The following ZNF616 variants were observed in gnomAD, a reference collection of about 807,000 sequenced individuals.
ZNF616 encodes zinc finger protein 616.
Under a neutral mutation model 7.6 loss-of-function variants are expected in ZNF616, and 5 were observed. That is an observed-to-expected ratio of 0.66 (90% confidence interval 0.34 to 1.38). The LOEUF (loss-of-function observed/expected upper bound fraction) is 1.38, where lower values mean the gene tolerates loss of function less well. Ranked by LOEUF, ZNF616 falls within the 40% of genes most tolerant of loss-of-function variation. The pLI is 0.04. For synonymous variants in ZNF616, 319 were observed against 317.2 expected, an observed-to-expected ratio of 1.01 and a Z score of -0.06; for missense variants, 913 against 948.3, an observed-to-expected ratio of 0.96 and a Z score of 0.49.
chr19:52,128,033 G>A (rs1390985662), intron 2 of ZNF616, among the ~76,000 whole-genome samples: 1 of 152,028 alleles, frequency 6.6e-6, no homozygotes, highest in Admixed American at 6.6e-5. Flanking sequence ...AAAGAAACCC[G>A]GGTTCCTCCA....
chr19:52,130,806 A>T (rs114068722), intron 1 of ZNF616, among the ~76,000 whole-genome samples: 10,428 of 152,286 alleles, frequency 0.068, 493 homozygotes, highest in African/African-American at 0.14. Context: ...CACAGGCTGC[A>T]GCAGTGTGTA....
intron 2 of ZNF616, among the ~76,000 whole-genome samples, chr19:52,124,375 G>A: frequency 6.6e-6 from 1 of 152,206 alleles, no homozygotes; most frequent in Non-Finnish European, 1.5e-5. Flanking sequence ...TATGAGTGGT[G>A]TTTTCAGAGA....
intron 3 of ZNF616, among the ~76,000 whole-genome samples, chr19:52,121,243 C>T (rs776620670): frequency 1.3e-5 from 2 of 152,232 alleles, no homozygotes; most frequent in Middle Eastern, 3.4e-3. Flanking sequence ...TTAGTAGCGA[C>T]GCGGTTTCGC....
intron 1 of ZNF616, among the ~76,000 whole-genome samples, chr19:52,137,414 G>A (rs573284205): frequency 2.6e-5 from 4 of 152,040 alleles, no homozygotes; most frequent in South Asian, 2.1e-4. Flanking sequence ...CAGAGCGAGC[G>A]AGACTCTGTC....
intron 3 of ZNF616, among the ~76,000 whole-genome samples, chr19:52,117,744 A>T (rs762036084): frequency 1.4e-4 from 22 of 152,212 alleles, no homozygotes; most frequent in Non-Finnish European, 4.4e-5. Context: ...TAAAGATAAA[A>T]GAAAGATAAA....
Position 52,114,667 on chromosome 19 carries a change from A to G in ZNF616, c.*151T>C, listed in dbSNP as rs2088798600. The G allele has an allele frequency of 1.1e-6, 1 of 902,546 alleles. No homozygotes were observed. The highest frequency in any genetic ancestry group is 1.6e-6 in the Non-Finnish European group (1 of 615,648). The allele number at this position is 902,546 out of a possible 1,614,324, so 55.9% of individuals were successfully genotyped here. A position where few individuals can be genotyped will look rare whatever the true frequency, so the allele number is the denominator to read the frequency against. On this transcript the variant is annotated 3_prime_UTR_variant, in exon 4 of 4. Transcript: ENST00000600228. ...ACGCTACATCTTTCTCAGTTTGAGAAATCCACTTCCATGATTCAATCACCT... is the reference window on the plus strand; with the variant it reads ...ACGCTACATCTTTCTCAGTTTGAGAGATCCACTTCCATGATTCAATCACCT...
At chr19:52,138,352 A>T (rs926613606) in intron 1 of ZNF616, 1 of 152,214 alleles carries the variant, frequency 6.6e-6, no homozygotes, top group Non-Finnish European at 1.5e-5. Flanking sequence ...CTTGTAGAAA[A>T]GAGTGGTAAT....
In ZNF616 at chr19:52,115,010, T is replaced by C; in HGVS notation, c.2154A>G (p.Lys718=). 6.2e-7 allele frequency: 1 copy of C among 1,614,186 alleles called. No individual in the cohort carries two copies. The highest frequency in any genetic ancestry group is 8.5e-7 in the Non-Finnish European group (1 of 1,180,012). ...CAAAGGCTTTGCCACATTCAATACA[T>C]TTGTATCTTTTCTCTCCAGTGTGGA... ...QRIHTGEKRY[K]CIECGKAFGR... The change falls in exon 4 of 4, where the codon AAA becomes AAG. Residue 718 remains lysine, a synonymous_variant. Transcript: ENST00000600228.
At chr19:52,128,721 A>C (rs1302211553) in intron 2 of ZNF616, among the ~76,000 whole-genome samples, 1 of 151,510 alleles carries the variant, frequency 6.6e-6, no homozygotes, top group Non-Finnish European at 1.5e-5. Context: ...CAGCCTGGGC[A>C]ACAAGACGAA....
At chr19:52,123,823 T>C in intron 3 of ZNF616, 100 bp downstream of exon 3, 9 of 1,455,132 alleles carry the variant, frequency 6.2e-6, no homozygotes, top group Non-Finnish European at 8.6e-6. Flanking sequence ...CCAATAAGGC[T>C]TCAGTCTCAA....
chr19:52,139,468 C>T lies in ZNF616; in HGVS notation c.-77+264G>A, dbSNP rs913597061. Among the ~76,000 whole-genome samples the T allele has an allele frequency of 6.6e-6, 1 of 152,116 alleles. No individual in the cohort carries two copies. Among genetic ancestry groups the T allele is most frequent in the Non-Finnish European group, 1.5e-5 (1 of 68,006 alleles). On this transcript the variant is annotated intron_variant, in intron 1 of 3. Transcript: ENST00000600228. The surrounding 1 kb of genome is among the most constrained non-coding windows in gnomAD (Gnocchi z 4.1). ...GAATCCCAGGACCTGGGAGAAGAAG[C>T]GGCTCCTTCAGGAGCTGGGCAGCGG...
At chr19:52,135,083 C>T (rs2122174269) in intron 1 of ZNF616, among the ~76,000 whole-genome samples, 1 of 152,282 alleles carries the variant, frequency 6.6e-6, no homozygotes, top group South Asian at 2.1e-4. Flanking sequence ...CATAGACCCA[C>T]CACAGAAAAC....
At position 52,115,685 on chromosome 19, in the gene ZNF616, G is replaced by T. The variant is rs368349825; in HGVS notation, c.1479C>A (p.Tyr493Ter). 1.2e-6 allele frequency: 2 copies of T among 1,613,970 alleles called. No homozygotes were observed. The highest frequency in any genetic ancestry group is 1.3e-5 in the African/African-American group (1 of 74,892). ...HQRIHTGEKP[Y>*]KCNECGKVFS... ...AGACCTTGCCACATTCATTGCATTT[G>T]TAAGGTTTCTCTCCAGTATGAATTC... is the stretch of plus-strand genomic sequence containing the variant. The change falls in exon 4 of 4, where the codon TAC becomes TAA. Residue 493 changes from tyrosine (Y) to a stop codon, truncating the protein, a stop_gained. Transcript: ENST00000600228. LOFTEE classifies it low-confidence loss of function (END_TRUNC).
intron 3 of ZNF616, among the ~76,000 whole-genome samples, chr19:52,119,536 T>C (rs940638475): frequency 6.6e-6 from 1 of 151,942 alleles, no homozygotes; most frequent in African/African-American, 2.4e-5. Context: ...TGGAACAAAG[T>C]ACTATTTTAG....
chr19:52,124,226 T>C (rs2088887296), intron 2 of ZNF616, among the ~76,000 whole-genome samples, 177 bp from the exon 3 acceptor site: 1 of 152,240 alleles, frequency 6.6e-6, no homozygotes, highest in South Asian at 2.1e-4. Flanking sequence ...TAGGAGACTA[T>C]TATATTCTCT....
chr19:52,134,629 A>G (rs558290887), intron 1 of ZNF616, among the ~76,000 whole-genome samples: 2 of 152,320 alleles, frequency 1.3e-5, no homozygotes, highest in South Asian at 4.1e-4. Flanking sequence ...TTCTAAGGCA[A>G]TCTAGCTGTT....
At chr19:52,119,915 T>G (rs1434284721) in intron 3 of ZNF616, among the ~76,000 whole-genome samples, 1 of 151,982 alleles carries the variant, frequency 6.6e-6, no homozygotes, top group Non-Finnish European at 1.5e-5. Context: ...TGCGAAAAAA[T>G]GTTCCTACAA....
chr19:52,125,011 T>C (rs116757771), intron 2 of ZNF616, among the ~76,000 whole-genome samples: 1,862 of 152,240 alleles, frequency 0.012, 36 homozygotes, highest in African/African-American at 0.042. Flanking sequence ...CCCCTCAGGA[T>C]CCAATCACCT....
At chr19:52,127,381 G>T (rs1329456415) in intron 2 of ZNF616, among the ~76,000 whole-genome samples, 1 of 152,146 alleles carries the variant, frequency 6.6e-6, no homozygotes, top group Non-Finnish European at 1.5e-5. Flanking sequence ...ATAATATGTG[G>T]CTGTGTTGTG....
Sources: gnomAD v4.1 joint callset for allele counts (sites outside exome capture counted in the v4.1 genomes callset) on GRCh38, gnomAD v4.1.1 for gene constraint, Gnocchi (gnomAD v3.1) non-coding constraint, MANE v1.5 for transcripts, NCBI Gene and HGNC (gene_info 2026-07-23, HGNC 2026-07-21) for gene names.